The following MAGI1 variants were observed in gnomAD, a reference collection of about 807,000 sequenced individuals.
MAGI1 encodes the protein membrane associated guanylate kinase, WW and PDZ domain containing 1.
MAGI1 carries 58 observed loss-of-function variants against 139.9 expected under a neutral mutation model. The ratio of observed to expected loss-of-function variants is 0.41; its 90% CI spans 0.34 to 0.52. The LOEUF is 0.52. MAGI1 is among the 20% of genes least tolerant of loss of function. The pLI is 0.12. For missense variants in MAGI1, 1,874 were observed against 1,901.6 expected (o/e 0.99, Z 0.27); for synonymous variants, 812 against 737.9 (o/e 1.10, Z -1.63).
At chr3:65,738,350 A>AT (rs2034963315) in intron 1 of MAGI1, among the ~76,000 whole-genome samples, 3 of 152,014 alleles carry the variant, frequency 2.0e-5, no homozygotes, top group Non-Finnish European at 4.4e-5. Flanking sequence ...TTAAAAAAAA[A>AT]ATTTTTTTGT....
Position 65,381,877 on chromosome 3 carries a change from C to T in MAGI1, c.2701G>A (p.Val901Met). ...CTGAAGGAATGAATGAAATACATAC[C>T]CGCAAAAACCACTTTACGCCGCACC... is the stretch of plus-strand genomic sequence containing the variant. Reference protein sequence around the residue: ...LTVRRKVVFAVPKTENEVPSP... With the variant: ...LTVRRKVVFAMPKTENEVPSP... The change falls in exon 16 of 23, where the codon GTG (valine) becomes ATG (methionine). Residue 901 changes from valine (V) to methionine (M), a missense_variant and splice_region_variant. Val to Met is a conservative substitution (Grantham distance 21). This residue lies in a region of MAGI1 where 482 missense variants were observed against 509.6 expected (regional missense o/e 0.95). Coordinates refer to ENST00000402939, the MANE Select transcript of MAGI1 (RefSeq NM_001033057.2). 1 of 1,606,016 alleles carries T rather than the reference C, an allele frequency of 6.2e-7. No individual in the cohort carries two copies. The highest frequency in any genetic ancestry group is 8.5e-7 in the Non-Finnish European group (1 of 1,176,150).
At chr3:65,891,355 T>A (rs1351278834) in intron 1 of MAGI1, among the ~76,000 whole-genome samples, 2 of 152,272 alleles carry the variant, frequency 1.3e-5, no homozygotes, top group South Asian at 2.1e-4. Context: ...ACTGAGCACC[T>A]ATTACAAATC....
At chr3:66,031,406 T>G (rs2068584246) in intron 1 of MAGI1, among the ~76,000 whole-genome samples, 2 of 152,302 alleles carry the variant, frequency 1.3e-5, no homozygotes, top group South Asian at 4.1e-4. Flanking sequence ...TTGGTGGATA[T>G]CATCAATTCT....
rs182007988 is a variant in MAGI1 at position 66,018,022 on chromosome 3, T to C, written c.313+19974A>G. Among the ~76,000 whole-genome samples the C allele has an allele frequency of 2.5e-3, 381 of 150,682 alleles. 7 individuals are homozygous for C. The highest frequency in any genetic ancestry group is 3.5e-3 in the African/African-American group (144 of 41,212). ...TTGGACTCATTTATTTTTCCTCCTT[T>C]GATCTTGGTCAGAGATGCGGTCCAC... On this transcript the variant is annotated intron_variant, in intron 1 of 22. Coordinates refer to ENST00000402939, the MANE Select transcript of MAGI1 (RefSeq NM_001033057.2).
intron 2 of MAGI1, among the ~76,000 whole-genome samples, chr3:65,504,416 C>T (rs888811817): frequency 6.6e-6 from 1 of 152,148 alleles, no homozygotes; most frequent in African/African-American, 2.4e-5. Context: ...ATATTATTAT[C>T]CTATGTCACA....
intron 1 of MAGI1, among the ~76,000 whole-genome samples, chr3:65,785,306 G>A (rs534500398): frequency 1.3e-5 from 2 of 152,210 alleles, no homozygotes; most frequent in South Asian, 4.2e-4. Flanking sequence ...AACATACAGG[G>A]GTCCTATTTA....
chr3:65,426,401 T>C (rs1947046237), intron 12 of MAGI1, among the ~76,000 whole-genome samples: 1 of 152,062 alleles, frequency 6.6e-6, no homozygotes. Context: ...AGATGAGGAA[T>C]TAAAATGGGT....
intron 3 of MAGI1, 29 bp downstream of exon 3, chr3:65,493,483 C>T (rs1952205844): frequency 6.2e-7 from 1 of 1,613,868 alleles, no homozygotes; most frequent in Admixed American, 1.7e-5. Flanking sequence ...AGGAGAGAAG[C>T]TTTTTATGCT....
chr3:65,467,307 C>T (rs1316799796), intron 5 of MAGI1, among the ~76,000 whole-genome samples: 1 of 152,178 alleles, frequency 6.6e-6, no homozygotes, highest in Non-Finnish European at 1.5e-5. Context: ...AGTGTACATA[C>T]ACGTACATGC....
At chr3:66,012,266 T>C (rs988512001) in intron 1 of MAGI1, among the ~76,000 whole-genome samples, 1 of 152,122 alleles carries the variant, frequency 6.6e-6, no homozygotes, top group African/African-American at 2.4e-5. Context: ...TTAGAAATTA[T>C]TTTTTTAGCA....
intron 5 of MAGI1, 56 bp downstream of exon 5, chr3:65,470,227 G>C (rs1319264525): frequency 4.0e-6 from 5 of 1,250,456 alleles, no homozygotes; most frequent in Non-Finnish European, 4.6e-6. Flanking sequence ...TAGACAGAGG[G>C]AAGGAAGGGA....
chr3:65,452,285 G>A (rs915019778), intron 6 of MAGI1, among the ~76,000 whole-genome samples: 6 of 152,142 alleles, frequency 3.9e-5, no homozygotes, highest in Admixed American at 6.5e-5. Context: ...ATCATGGAGT[G>A]CAAGGTTTTC....
chr3:65,837,179 C>G (rs1175075678), intron 1 of MAGI1, among the ~76,000 whole-genome samples: 2 of 152,130 alleles, frequency 1.3e-5, no homozygotes, highest in African/African-American at 4.8e-5. Context: ...TACCTCAGCT[C>G]CAAGAAGACA....
intron 2 of MAGI1, among the ~76,000 whole-genome samples, chr3:65,598,777 C>T (rs2106818482): frequency 6.6e-6 from 1 of 152,298 alleles, no homozygotes; most frequent in Admixed American, 6.5e-5. Flanking sequence ...GGCAAAGCTG[C>T]CTCTTTAAAA....
At chr3:65,819,940 T>G (rs115200230) in intron 1 of MAGI1, among the ~76,000 whole-genome samples, 2,192 of 139,886 alleles carry the variant, frequency 0.016, 62 homozygotes, top group African/African-American at 0.05. Context: ...ACAGAAACTA[T>G]CAATTCAGAA....
chr3:65,438,777 G>C (rs1559554111), intron 9 of MAGI1, among the ~76,000 whole-genome samples: 1 of 152,180 alleles, frequency 6.6e-6, no homozygotes, highest in Non-Finnish European at 1.5e-5. Flanking sequence ...ATTACATGAA[G>C]TTGAAATTAC....
Position 65,411,610 on chromosome 3 carries a change from G to A in MAGI1, c.2168-10140C>T, listed in dbSNP as rs139689896. On this transcript the variant is annotated intron_variant, in intron 12 of 22. Coordinates refer to ENST00000402939, the MANE Select transcript of MAGI1 (RefSeq NM_001033057.2). ...TGTGGGCCCTTATTTTAAGGTCACC[G>A]GCCCCAAAGGAAAACCTATCACTGT... 3.1e-3 allele frequency among the ~76,000 whole-genome samples: 470 copies of A among 152,184 alleles called. 1 individual carries two copies. The highest frequency in any genetic ancestry group is 0.011 in the African/African-American group (446 of 41,514).
intron 1 of MAGI1, among the ~76,000 whole-genome samples, chr3:65,707,423 G>A (rs2030524847): frequency 6.6e-6 from 1 of 152,110 alleles, no homozygotes; most frequent in Non-Finnish European, 1.5e-5. Context: ...GAGCCACAGC[G>A]GCTCCCTATC....
chr3:65,811,175 T>A (rs533181176), intron 1 of MAGI1, among the ~76,000 whole-genome samples: 1 of 152,146 alleles, frequency 6.6e-6, no homozygotes, highest in Non-Finnish European at 1.5e-5. Flanking sequence ...ACAGGCAACT[T>A]CATAGGATAA....
Sources: allele counts gnomAD v4.1 joint callset (sites outside exome capture counted in the v4.1 genomes callset), GRCh38; gene constraint gnomAD v4.1.1; regional missense constraint gnomAD v4.1.1; transcripts MANE v1.5; gene names NCBI Gene and HGNC (gene_info 2026-07-23, HGNC 2026-07-21).